Variants in EML5 observed in about 807,000 individuals in gnomAD.
The protein encoded by EML5 is echinoderm microtubule-associated protein-like 5.
Under a neutral mutation model 250.0 loss-of-function variants are expected in EML5, and 120 were observed. That is an observed-to-expected ratio of 0.48 (90% confidence interval 0.41 to 0.56). The LOEUF (loss-of-function observed/expected upper bound fraction) is 0.56. Among genes scored for constraint, EML5 ranks in the 20% least tolerant of loss-of-function variants. The probability of loss-of-function intolerance (pLI) is 0.00; values close to 1 mark genes in which losing one functional copy is unlikely to be tolerated. For missense variants in EML5, 2,006 were observed against 2,437.6 expected, an observed-to-expected ratio of 0.82 and a Z score of 3.73; for synonymous variants, 771 against 806.5, an observed-to-expected ratio of 0.96 and a Z score of 0.75.
intron 21 of EML5, among the ~76,000 whole-genome samples, chr14:88,680,302 C>A (rs933316653): frequency 6.6e-6 from 1 of 151,920 alleles, no homozygotes; most frequent in African/African-American, 2.4e-5. Flanking sequence ...AGTATTACAA[C>A]CATATCTCAG....
At chr14:88,652,349 T>C (rs909343816) in intron 27 of EML5, among the ~76,000 whole-genome samples, 2 of 152,154 alleles carry the variant, frequency 1.3e-5, no homozygotes, top group Non-Finnish European at 2.9e-5. Flanking sequence ...TAGACTTCCC[T>C]GGCAACGCGG....
Position 88,625,024 on chromosome 14 carries a change from G to A in EML5, c.4844C>T (p.Ala1615Val), listed in dbSNP as rs1419617271. The change falls in exon 36 of 44, where the codon GCC becomes GTC. Residue 1615 changes from alanine to valine, a missense_variant. Physicochemically the swap from Ala to Val is moderately conservative, Grantham distance 64. This residue lies in a region of EML5 where 405 missense variants were observed against 523.3 expected (regional missense o/e 0.77). Transcript: ENST00000554922. Reference sequence around the variant, plus strand: ...TCCATCTCGCAGGGTGGTGTACATGGCAAACACAGGCCCGTTGTGAGCTCT... The same window carrying A: ...TCCATCTCGCAGGGTGGTGTACATGACAAACACAGGCCCGTTGTGAGCTCT... ...VARAHNGPVF[A>V]MYTTLRDGLI... is the part of the protein sequence containing the mutation. 19 of 1,613,684 alleles carry A rather than the reference G, an allele frequency of 1.2e-5. No homozygotes were observed. The highest frequency in any genetic ancestry group is 1.5e-5 in the Non-Finnish European group (18 of 1,179,712).
At chr14:88,710,856 C>A (rs191970402) in intron 10 of EML5, among the ~76,000 whole-genome samples, 1 of 152,098 alleles carries the variant, frequency 6.6e-6, no homozygotes, top group Non-Finnish European at 1.5e-5. Flanking sequence ...AATATTCACA[C>A]AGCAGTTCAA....
chr14:88,728,849 T>C (rs1291565047), intron 7 of EML5, among the ~76,000 whole-genome samples: 2 of 152,110 alleles, frequency 1.3e-5, no homozygotes, highest in Non-Finnish European at 2.9e-5. Context: ...TAGCAAGGAA[T>C]AACTACATTA....
At chr14:88,639,675 C>T (rs2090949097) in intron 31 of EML5, among the ~76,000 whole-genome samples, 1 of 152,086 alleles carries the variant, frequency 6.6e-6, no homozygotes, top group Non-Finnish European at 1.5e-5. Context: ...TTCCCTGGTT[C>T]AAGCAATTCT....
chr14:88,624,902 A>T, intron 36 of EML5, 68 bp downstream of exon 36: 1 of 1,562,434 alleles, frequency 6.4e-7, no homozygotes, highest in Non-Finnish European at 8.7e-7. Context: ...AACAACTAGA[A>T]TAATTAACTG....
At chr14:88,639,345 G>A (rs981254505) in intron 31 of EML5, among the ~76,000 whole-genome samples, 7 of 152,178 alleles carry the variant, frequency 4.6e-5, no homozygotes, top group Admixed American at 4.6e-4. Flanking sequence ...GGCTCATTTG[G>A]CTGAAGTGTA....
intron 1 of EML5, among the ~76,000 whole-genome samples, chr14:88,790,562 C>T (rs1359804974): frequency 6.6e-6 from 1 of 152,182 alleles, no homozygotes; most frequent in African/African-American, 2.4e-5. Context: ...CTATACTGCT[C>T]TCATAACCCC....
chr14:88,638,747 T>C lies in EML5; in HGVS notation c.4336+62A>G, dbSNP rs550757474. The C allele has an allele frequency of 2.0e-5, 27 of 1,372,920 alleles. No homozygotes were observed. In the African/African-American group the frequency reaches 2.6e-4, roughly 13 times the overall value. The allele number at this position is 1,372,920 out of a possible 1,614,324, so 85.0% of individuals were successfully genotyped here. On this transcript the variant is annotated intron_variant, in intron 32 of 43. Transcript: ENST00000554922. ...AAAATTTTGATTTTTTCCTTGGATATTGAATTTATTTGAACAAAGCAAATG... is the reference window on the plus strand; with the variant it reads ...AAAATTTTGATTTTTTCCTTGGATACTGAATTTATTTGAACAAAGCAAATG...
At chr14:88,729,623 A>G (rs1032059919) in intron 7 of EML5, among the ~76,000 whole-genome samples, 3 of 151,368 alleles carry the variant, frequency 2.0e-5, no homozygotes, top group African/African-American at 7.3e-5. Flanking sequence ...GTGCTGGCGC[A>G]ATCTTAGTTC....
chr14:88,777,842 G>C (rs1056319407), intron 1 of EML5, among the ~76,000 whole-genome samples: 2 of 152,106 alleles, frequency 1.3e-5, no homozygotes, highest in Non-Finnish European at 2.9e-5. Flanking sequence ...GGACATGGTG[G>C]CACACACCTG....
chr14:88,685,223 T>G (rs1314993112), intron 19 of EML5, 81 bp from the exon 20 acceptor site: 2 of 1,216,594 alleles, frequency 1.6e-6, no homozygotes, highest in Non-Finnish European at 2.2e-6. Context: ...TTAAGCTATT[T>G]TGACAGTGAA....
intron 14 of EML5, 142 bp from the exon 15 acceptor site, chr14:88,697,094 A>T: frequency 1.8e-6 from 1 of 546,470 alleles, no homozygotes; most frequent in Non-Finnish European, 3.0e-6. Flanking sequence ...AGCAAACTAT[A>T]TAAGTGACTG....
intron 1 of EML5, among the ~76,000 whole-genome samples, chr14:88,787,336 C>A (rs775982022): frequency 2.9e-4 from 44 of 152,152 alleles, no homozygotes; most frequent in Non-Finnish European, 5.1e-4. Context: ...GGGATTCTTG[C>A]ACAAAACAGA....
At chr14:88,748,021 C>T (rs755885360) in intron 2 of EML5, among the ~76,000 whole-genome samples, 1 of 152,040 alleles carries the variant, frequency 6.6e-6, no homozygotes, top group Non-Finnish European at 1.5e-5. Context: ...CCTGTAATCA[C>T]CCGAGCTTCC....
chr14:88,706,959 C>G (rs1158541871), intron 10 of EML5, among the ~76,000 whole-genome samples: 2 of 152,134 alleles, frequency 1.3e-5, no homozygotes, highest in African/African-American at 2.4e-5. Flanking sequence ...TAATCAAAGT[C>G]AAATATGCCC....
At chr14:88,709,773 T>C (rs367685483) in intron 10 of EML5, among the ~76,000 whole-genome samples, 151 of 152,236 alleles carry the variant, frequency 9.9e-4, no homozygotes, top group African/African-American at 2.0e-3. Context: ...AAATGTCCAA[T>C]GACAGGAGAA....
intron 6 of EML5, among the ~76,000 whole-genome samples, chr14:88,737,567 T>C (rs1011315753): frequency 3.3e-5 from 5 of 152,230 alleles, no homozygotes; most frequent in African/African-American, 4.8e-5. Flanking sequence ...GCACCCAAAA[T>C]ATCCTGTGTC....
chr14:88,689,905 T>C (rs760018065), intron 17 of EML5, among the ~76,000 whole-genome samples: 8 of 152,084 alleles, frequency 5.3e-5, no homozygotes, highest in Non-Finnish European at 1.2e-4. Flanking sequence ...CTGTGCTAGA[T>C]GATGATGGGT....
Sources: allele counts gnomAD v4.1 joint callset (sites outside exome capture counted in the v4.1 genomes callset), GRCh38; gene constraint gnomAD v4.1.1; regional missense constraint gnomAD v4.1.1; transcripts MANE v1.5; gene names NCBI Gene and HGNC (gene_info 2026-07-23, HGNC 2026-07-21).